Variants in CHL1 observed in about 807,000 individuals in gnomAD.
The protein encoded by CHL1 is cell adhesion molecule L1 like.
A neutral mutation model predicts 141.9 loss-of-function variants in CHL1; 96 were observed. That is an observed-to-expected ratio of 0.68 (90% CI 0.57 to 0.80). The LOEUF (loss-of-function observed/expected upper bound fraction) is 0.80, where lower values mean the gene tolerates loss of function less well. Ranked by LOEUF, CHL1 falls within the 30% of genes least tolerant of loss-of-function variation. The pLI, the probability that CHL1 is intolerant of heterozygous loss-of-function variation, is 0.00. For synonymous variants in CHL1, 613 were observed against 502.2 expected, an observed-to-expected ratio of 1.22 and a Z score of -2.95; for missense variants, 1,820 against 1,457.2, an observed-to-expected ratio of 1.25 and a Z score of -4.05.
chr3:357,686 T>C (rs1002604929), intron 11 of CHL1, among the ~76,000 whole-genome samples: 1 of 152,240 alleles, frequency 6.6e-6, no homozygotes. Flanking sequence ...CCTTCTTGAA[T>C]CCTGGGAGCT....
At position 295,407 on chromosome 3, in the gene CHL1, G is replaced by A. The variant is rs561516641; in HGVS notation, c.-94-24276G>A. Among the ~76,000 whole-genome samples, 8 of 152,208 alleles carry A rather than the reference G, an allele frequency of 5.3e-5. No homozygotes were observed. In the South Asian group the frequency reaches 1.7e-3, roughly 32 times the overall value. ...GACTAATGGCCAAAAGCACTGAATA[G>A]GAGAAGGATTAACATGGATAAGACT... On this transcript the variant is annotated intron_variant, in intron 2 of 27. Coordinates refer to ENST00000256509, the MANE Select transcript of CHL1 (RefSeq NM_006614.4).
At chr3:197,874 T>A (rs760110941) in intron 1 of CHL1, 61 of 284,608 alleles carry the variant, frequency 2.1e-4, no homozygotes, top group Admixed American at 1.0e-3. Context: ...TTCTCTCGCT[T>A]TTTTTTTTTT....
At chr3:226,752 T>A (rs548923162) in intron 1 of CHL1, among the ~76,000 whole-genome samples, 77 of 152,140 alleles carry the variant, frequency 5.1e-4, no homozygotes, top group African/African-American at 1.8e-3. Flanking sequence ...CGACCTGTAG[T>A]ACCTATATTT....
At chr3:304,291 G>C (rs970103268) in intron 2 of CHL1, among the ~76,000 whole-genome samples, 1 of 152,132 alleles carries the variant, frequency 6.6e-6, no homozygotes, top group Non-Finnish European at 1.5e-5. Context: ...TTTTCCTGTT[G>C]TTTGGAATAG....
At chr3:277,088 A>T (rs1488910141) in intron 2 of CHL1, among the ~76,000 whole-genome samples, 2 of 152,084 alleles carry the variant, frequency 1.3e-5, no homozygotes, top group Non-Finnish European at 2.9e-5. Flanking sequence ...TGAATTACTG[A>T]TAAAATACTT....
At position 212,392 on chromosome 3, in the gene CHL1, A is replaced by G. The variant is rs112763125; in HGVS notation, c.-175+15329A>G. ...CCTTTGTCTGCTTTTACACTACCAT[A>G]AAGCCTGCTTCAACTTTCCCCTCAA... On this transcript the variant is annotated intron_variant, in intron 1 of 27. Coordinates refer to ENST00000256509, the MANE Select transcript of CHL1 (RefSeq NM_006614.4). Among the ~76,000 whole-genome samples the G allele has an allele frequency of 7.8e-3, 1,194 of 152,170 alleles. 13 individuals carry two copies. Among genetic ancestry groups the G allele is most frequent in the African/African-American group, 0.028 (1,153 of 41,504 alleles).
At position 244,766 on chromosome 3, in the gene CHL1, G is replaced by A. The variant is rs1450823900; in HGVS notation, c.-95+74G>A. The A allele has an allele frequency of 2.6e-5, 4 of 152,130 alleles. No individual in the cohort carries two copies. In the East Asian group the frequency reaches 5.8e-4, roughly 22 times the overall value. 9.4% of individuals were successfully genotyped at this position (152,130 alleles called of 1,614,324 possible). On this transcript the variant is annotated intron_variant, in intron 2 of 27. Coordinates refer to ENST00000256509, the MANE Select transcript of CHL1 (RefSeq NM_006614.4). ...TTAATTATTGCAGTACATAGGGCAG[G>A]AGTCACAAAAGATAAGGATAAGGAG...
intron 2 of CHL1, among the ~76,000 whole-genome samples, chr3:265,558 T>C (rs1695079681): frequency 6.6e-6 from 1 of 152,206 alleles, no homozygotes; most frequent in Non-Finnish European, 1.5e-5. Flanking sequence ...CTGTTTGATC[T>C]GATTCTGCAG....
chr3:398,811 C>T (rs1015071546), intron 25 of CHL1, among the ~76,000 whole-genome samples: 10 of 152,158 alleles, frequency 6.6e-5, no homozygotes, highest in African/African-American at 2.4e-4. Context: ...AAACACAACT[C>T]GAAGAAGTCC....
intron 2 of CHL1, among the ~76,000 whole-genome samples, chr3:295,123 C>T (rs1008480568): frequency 6.6e-6 from 1 of 152,064 alleles, no homozygotes; most frequent in African/African-American, 2.4e-5. Context: ...TCTACTGGGT[C>T]GTTTCTGTTT....
chr3:381,879 C>T (rs1707083696), intron 16 of CHL1, among the ~76,000 whole-genome samples: 1 of 152,132 alleles, frequency 6.6e-6, no homozygotes, highest in Non-Finnish European at 1.5e-5. Flanking sequence ...ATGTTATCTT[C>T]AGTTTCTATA....
intron 5 of CHL1, among the ~76,000 whole-genome samples, chr3:333,509 A>G (rs955363081): frequency 2.6e-5 from 4 of 151,472 alleles, no homozygotes; most frequent in African/African-American, 9.7e-5. Flanking sequence ...AGAGTGAAAG[A>G]AACAACAACA....
intron 5 of CHL1, among the ~76,000 whole-genome samples, chr3:330,325 C>T (rs1260526850): frequency 6.6e-6 from 1 of 151,892 alleles, no homozygotes; most frequent in Non-Finnish European, 1.5e-5. Flanking sequence ...ATGTTGAATG[C>T]AGTGAAAGCA....
At chr3:218,750 A>G (rs1488570429) in intron 1 of CHL1, among the ~76,000 whole-genome samples, 1 of 152,232 alleles carries the variant, frequency 6.6e-6, no homozygotes, top group East Asian at 1.9e-4. Flanking sequence ...GAGGAAAAAG[A>G]CAACAGAAAG....
intron 1 of CHL1, among the ~76,000 whole-genome samples, chr3:223,177 C>A (rs1020924076): frequency 6.6e-6 from 1 of 152,120 alleles, no homozygotes; most frequent in Non-Finnish European, 1.5e-5. Context: ...GTTGCTCCAC[C>A]CTTTAAACTC....
intron 26 of CHL1, among the ~76,000 whole-genome samples, chr3:399,694 G>C (rs916162083): frequency 6.6e-6 from 1 of 152,082 alleles, no homozygotes; most frequent in African/African-American, 2.4e-5. Flanking sequence ...ACACTTCCAA[G>C]CTTCTATTGT....
At chr3:252,401 T>TATATATATATA (rs4002883) in intron 2 of CHL1, among the ~76,000 whole-genome samples, 4 of 140,526 alleles carry the variant, frequency 2.8e-5, no homozygotes, top group South Asian at 2.3e-4. Flanking sequence ...TATATATATA[T>TATATATATATA]TTCTATTTTG....
intron 1 of CHL1, among the ~76,000 whole-genome samples, chr3:237,495 G>T (rs1407907400): frequency 6.6e-6 from 1 of 152,204 alleles, no homozygotes; most frequent in African/African-American, 2.4e-5. Context: ...AATAGTAAAA[G>T]ACTGAGGTAT....
intron 2 of CHL1, among the ~76,000 whole-genome samples, chr3:298,230 T>C (rs1698385598): frequency 1.3e-5 from 2 of 152,174 alleles, no homozygotes; most frequent in Admixed American, 1.3e-4. Context: ...GAACCTGAGA[T>C]AATACAATAA....
Sources: gnomAD v4.1 joint callset for allele counts (sites outside exome capture counted in the v4.1 genomes callset) on GRCh38, gnomAD v4.1.1 for gene constraint, MANE v1.5 for transcripts, NCBI Gene and HGNC (gene_info 2026-07-23, HGNC 2026-07-21) for gene names.